SNX5: variants seen among roughly 807,000 people sequenced by gnomAD.
The protein encoded by SNX5 is sorting nexin-5.
SNX5 carries 31 observed loss-of-function variants against 53.9 expected under a neutral mutation model. The observed-to-expected ratio is 0.58, with a 90% CI of 0.43 to 0.78. The LOEUF is 0.78. Ranked by LOEUF, SNX5 falls within the 30% of genes least tolerant of loss-of-function variation. The pLI, the probability that SNX5 is intolerant of heterozygous loss-of-function variation, is 0.00. For synonymous variants in SNX5, 168 were observed against 171.1 expected (o/e 0.98, Z 0.14); for missense variants, 471 against 478.8 (o/e 0.98, Z 0.15).
rs2273448 is a variant in SNX5, at chr20:17,951,566, C to T, written c.543G>A (p.Glu181=). Residue 181 remains glutamate (E), a synonymous_variant, in exon 6 of 13, where the codon GAG becomes GAA. Transcript: ENST00000377759. Reference sequence around the variant, plus strand: ...CACTTTTGAAGAAGCCACCAAACATCTCTTTAGTATTTTTCCGCCTAACAC... The same window carrying T: ...CACTTTTGAAGAAGCCACCAAACATTTCTTTAGTATTTTTCCGCCTAACAC... ...DLSVRRKNTK[E]MFGGFFKSVV... 0.3 allele frequency: 477,956 copies of T among 1,608,268 alleles called. 74,015 individuals carry two copies. Among genetic ancestry groups the T allele is most frequent in the South Asian group, 0.42 (37,923 of 90,842 alleles).
intron 12 of SNX5, 47 bp from the exon 13 acceptor site, chr20:17,942,454 C>T (rs776973758): frequency 1.4e-6 from 2 of 1,430,914 alleles, no homozygotes; most frequent in South Asian, 1.1e-5. Flanking sequence ...TTAAAACTTG[C>T]CATATACCTG....
Position 17,947,659 on chromosome 20 carries a change from T to C in SNX5, c.919-14A>G, listed in dbSNP as rs1278240567. 10 of 1,608,312 alleles carry C rather than the reference T, an allele frequency of 6.2e-6. No homozygotes were observed. The highest frequency in any genetic ancestry group is 1.7e-4 in the Middle Eastern group (1 of 6,022). The stretch of plus-strand genomic sequence containing the variant: ...GTATAAGAGATCCTGGGAAAAAAAT[T>C]AACAGGTATACATACTAAGTATCTA... On this transcript the variant is annotated splice_polypyrimidine_tract_variant and intron_variant, in intron 10 of 12. Transcript: ENST00000377759.
intron 1 of SNX5, among the ~76,000 whole-genome samples, chr20:17,964,600 T>C (rs7271350): frequency 0.26 from 39,910 of 152,104 alleles, 5,723 homozygotes; most frequent in East Asian, 0.44. Flanking sequence ...AGTTAGATCA[T>C]GCAGAGAAAC....
chr20:17,966,364 G>A (rs997425156), intron 1 of SNX5, among the ~76,000 whole-genome samples: 3 of 147,296 alleles, frequency 2.0e-5, no homozygotes, highest in African/African-American at 7.6e-5. Flanking sequence ...CAGCCTGGAC[G>A]ACAGAGCGAG....
Position 17,968,638 on chromosome 20 carries a change from A to G in SNX5, c.-213T>C. On this transcript the variant is annotated 5_prime_UTR_variant, in exon 1 of 13. Coordinates refer to ENST00000377759, the MANE Select transcript of SNX5 (RefSeq NM_014426.4). ...AGGGCGCCACGTGCTCCCCCAGAGC[A>G]GCCTCCCAGTCCCCGCTGCCGTCCA... The G allele has an allele frequency of 4.9e-6, 3 of 616,410 alleles. No individual in the cohort carries two copies. Among genetic ancestry groups the G allele is most frequent in the Admixed American group, 2.4e-5 (1 of 41,684 alleles). The allele number at this position is 616,410 out of a possible 1,614,324, so 38.2% of individuals were successfully genotyped here.
chr20:17,965,312 T>A (rs2035519802), intron 1 of SNX5, among the ~76,000 whole-genome samples: 1 of 152,194 alleles, frequency 6.6e-6, no homozygotes, highest in African/African-American at 2.4e-5. Flanking sequence ...CAGGCTAAAA[T>A]GTCAACAGTG....
At chr20:17,960,634 T>C (rs7263149) in intron 1 of SNX5, among the ~76,000 whole-genome samples, 106 of 138,462 alleles carry the variant, frequency 7.7e-4, no homozygotes, top group African/African-American at 2.7e-3. Context: ...CAAATTAGCC[T>C]GGCATGGTGG....
In SNX5 at chr20:17,963,223, T is replaced by C. The variant is rs768015011; in HGVS notation, c.51+5152A>G. ...AGCCAGGCAGAGAGGTTCTTGTCTG[T>C]AATCCCAGCACTTTGGGAGGCTGAG... On this transcript the variant is annotated intron_variant, in intron 1 of 12. Transcript: ENST00000377759. Among the ~76,000 whole-genome samples, 33 of 152,256 alleles carry C rather than the reference T, an allele frequency of 2.2e-4. No homozygotes were observed. In the Middle Eastern group the frequency reaches 0.01, roughly 47 times the overall value.
intron 1 of SNX5, among the ~76,000 whole-genome samples, chr20:17,964,489 G>C (rs2035506541): frequency 6.6e-6 from 1 of 152,202 alleles, no homozygotes; most frequent in African/African-American, 2.4e-5. Context: ...CCTTTAGGCA[G>C]CATGTGAAGG....
Position 17,950,039 on chromosome 20 carries a change from G to C in SNX5, c.791+93C>G, listed in dbSNP as rs73898721. ...TTACTGAGCTTGTAACTCCAGAGCA[G>C]GACCATGTAGTCACTACTCATTTAT... On this transcript the variant is annotated intron_variant, in intron 8 of 12. Coordinates refer to ENST00000377759, the MANE Select transcript of SNX5 (RefSeq NM_014426.4). 2,963 of 1,054,186 alleles carry C rather than the reference G, an allele frequency of 2.8e-3. 47 individuals are homozygous for C. The African/African-American group carries it at 0.039, about 14-fold the overall frequency. The allele number at this position is 1,054,186 out of a possible 1,614,324, so 65.3% of individuals were successfully genotyped here. A position where few individuals can be genotyped will look rare whatever the true frequency, so the allele number is the denominator to read the frequency against.
chr20:17,959,436 T>C (rs1011843868), intron 1 of SNX5, among the ~76,000 whole-genome samples: 2 of 151,916 alleles, frequency 1.3e-5, no homozygotes, highest in Admixed American at 1.3e-4. Context: ...TATGAGTGAC[T>C]GCAACCACAG....
chr20:17,956,289 C>T (rs991380813), intron 2 of SNX5, among the ~76,000 whole-genome samples: 5 of 152,214 alleles, frequency 3.3e-5, no homozygotes, highest in African/African-American at 1.2e-4. Flanking sequence ...TCTTTTTACA[C>T]TACCTCCGGA....
intron 11 of SNX5, chr20:17,945,307 T>TA (rs1410672904): frequency 1.3e-5 from 2 of 152,240 alleles, no homozygotes; most frequent in Non-Finnish European, 2.9e-5. Context: ...GACTCAACTC[T>TA]AGTCGTCAGC....
intron 11 of SNX5, 37 bp from the exon 12 acceptor site, chr20:17,943,232 A>G: frequency 7.3e-7 from 1 of 1,365,828 alleles, no homozygotes; most frequent in Non-Finnish European, 1.0e-6. Flanking sequence ...ACCAAGAAAA[A>G]CTAAACAATT....
At chr20:17,956,065 C>T (rs150063591) in intron 2 of SNX5, among the ~76,000 whole-genome samples, 116 of 152,308 alleles carry the variant, frequency 7.6e-4, no homozygotes, top group African/African-American at 2.7e-3. Context: ...GTGTGAGCCA[C>T]CCAACCCAGC....
At position 17,954,115 on chromosome 20, in the gene SNX5, A is replaced by C; in HGVS notation, c.270T>G (p.Ile90Met). The change falls in exon 4 of 13, where the codon ATT (isoleucine) becomes ATG (methionine). Residue 90 changes from isoleucine to methionine, a missense_variant and splice_region_variant. Coordinates refer to ENST00000377759, the MANE Select transcript of SNX5 (RefSeq NM_014426.4). ...AGTCGGGCTTCGTAGGAGCAGGTGG[A>C]ATCTGCAGCAGAGGCAGGAACTCAT... is the stretch of plus-strand genomic sequence containing the variant. ...IETTDYAGLI[I>M]PPAPTKPDFD... 1.2e-6 allele frequency: 2 copies of C among 1,613,510 alleles called. No individual in the cohort carries two copies. The highest frequency in any genetic ancestry group is 1.7e-6 in the Non-Finnish European group (2 of 1,179,640).
chr20:17,947,655 A>T lies in SNX5; in HGVS notation c.919-10T>A, dbSNP rs1331659537. 9.3e-6 allele frequency: 15 copies of T among 1,608,994 alleles called. No homozygotes were observed. Among genetic ancestry groups the T allele is most frequent in the Non-Finnish European group, 1.2e-5 (14 of 1,178,290 alleles). On this transcript the variant is annotated splice_polypyrimidine_tract_variant and intron_variant, in intron 10 of 12. Coordinates refer to ENST00000377759, the MANE Select transcript of SNX5 (RefSeq NM_014426.4). ...GTCTGTATAAGAGATCCTGGGAAAA[A>T]AATTAACAGGTATACATACTAAGTA...
At chr20:17,954,164 G>C (rs771474358) in intron 3 of SNX5, 47 bp from the exon 4 acceptor site, 2 of 1,605,798 alleles carry the variant, frequency 1.2e-6, no homozygotes, top group South Asian at 1.1e-5. Context: ...CAGCAGCGAT[G>C]TTTTCTAGTT....
At position 17,948,992 on chromosome 20, in the gene SNX5, A is replaced by G; in HGVS notation, c.832-16T>C. On this transcript the variant is annotated splice_polypyrimidine_tract_variant and intron_variant, in intron 9 of 12. Coordinates refer to ENST00000377759, the MANE Select transcript of SNX5 (RefSeq NM_014426.4). ...CCTCTACTTTCTATATAGAAAAGGA[A>G]AGGTCACCATCAAGGCAGAAAGCTA... 1 of 1,611,302 alleles carries G rather than the reference A, an allele frequency of 6.2e-7. No homozygotes were observed. The highest frequency in any genetic ancestry group is 8.5e-7 in the Non-Finnish European group (1 of 1,178,450).
Sources: gnomAD v4.1 joint callset for allele counts (sites outside exome capture counted in the v4.1 genomes callset) on GRCh38, gnomAD v4.1.1 for gene constraint, MANE v1.5 for transcripts, NCBI Gene and HGNC (gene_info 2026-07-23, HGNC 2026-07-21) for gene names.